Variants in SGTB observed in about 807,000 individuals in gnomAD.
SGTB encodes small glutamine rich tetratricopeptide repeat co-chaperone beta.
SGTB carries 19 observed loss-of-function variants against 43.9 expected under a neutral mutation model. The observed-to-expected ratio is 0.43, with a 90% CI of 0.30 to 0.63. The LOEUF (loss-of-function observed/expected upper bound fraction) is 0.63. Ranked by LOEUF, SGTB falls within the 30% of genes least tolerant of loss-of-function variation. The pLI is 0.12. For synonymous variants in SGTB, 116 were observed against 117.3 expected, an observed-to-expected ratio of 0.99 and a Z score of 0.07; for missense variants, 304 against 358.9, an observed-to-expected ratio of 0.85 and a Z score of 1.24.
rs972457853 is a variant in SGTB at position 65,667,731 on chromosome 5, C to T, written c.*2515G>A. On this transcript the variant is annotated 3_prime_UTR_variant, in exon 11 of 11. Coordinates refer to ENST00000381007, the MANE Select transcript of SGTB (RefSeq NM_019072.3). The stretch of plus-strand genomic sequence containing the variant: ...TAGAGTCCTTGGATCTGTATCAAAA[C>T]CACCTAGTGTACTGTTTAAAAATGG... 1.6e-4 allele frequency: 24 copies of T among 152,174 alleles called. No individual in the cohort carries two copies. The highest frequency in any genetic ancestry group is 5.6e-4 in the African/African-American group (23 of 41,434). 9.4% of individuals were successfully genotyped at this position (152,174 alleles called of 1,614,324 possible).
At chr5:65,695,034 G>GAAAA (rs1554024876) in intron 5 of SGTB, among the ~76,000 whole-genome samples, 1 of 20,190 alleles carries the variant, frequency 5.0e-5, no homozygotes, top group Non-Finnish European at 1.2e-4. Context: ...TGGAACTACT[G>GAAAA]AAAGCAAGCA....
chr5:65,712,019 C>T (rs168458), intron 3 of SGTB, among the ~76,000 whole-genome samples: 34,595 of 152,078 alleles, frequency 0.23, 4,209 homozygotes, highest in Non-Finnish European at 0.27. Flanking sequence ...GAGGCCAAGG[C>T]AGGACGATGG....
intron 5 of SGTB, among the ~76,000 whole-genome samples, chr5:65,702,374 G>A (rs768231055): frequency 6.6e-6 from 1 of 152,180 alleles, no homozygotes; most frequent in Non-Finnish European, 1.5e-5. Flanking sequence ...AAATTAAAAA[G>A]CAGAAAGAAA....
chr5:65,721,407 T>C (rs1758274845), intron 1 of SGTB, among the ~76,000 whole-genome samples: 1 of 152,210 alleles, frequency 6.6e-6, no homozygotes, highest in Admixed American at 6.5e-5. Flanking sequence ...AGTCGATGGA[T>C]ACTACAAGCC....
intron 2 of SGTB, among the ~76,000 whole-genome samples, chr5:65,718,775 C>T (rs1378967799): frequency 6.6e-6 from 1 of 152,070 alleles, no homozygotes; most frequent in Non-Finnish European, 1.5e-5. Flanking sequence ...CCCTTTCTGA[C>T]TGCCATATAT....
chr5:65,678,792 G>A (rs1757331064), intron 8 of SGTB, among the ~76,000 whole-genome samples: 1 of 152,150 alleles, frequency 6.6e-6, no homozygotes, highest in Non-Finnish European at 1.5e-5. Flanking sequence ...TAGCCATATG[G>A]AGAAAATTGA....
At position 65,708,490 on chromosome 5, in the gene SGTB, T is replaced by G; in HGVS notation, c.273A>C (p.Glu91Asp). The change falls in exon 4 of 11, where the codon GAA (glutamate) becomes GAC (aspartate). Residue 91 changes from glutamate to aspartate, a missense_variant and splice_region_variant. Glu to Asp is a conservative substitution (Grantham distance 45). Transcript: ENST00000381007. ...GTCATTTTTGTATGAAATATTCACCTTCATCTTTTAATTGGTCAGCTTTTC... is the reference window on the plus strand; with the variant it reads ...GTCATTTTTGTATGAAATATTCACCGTCATCTTTTAATTGGTCAGCTTTTC... The part of the protein sequence containing the change: ...DVGKADQLKD[E>D]GNNHMKEENY... 1 of 1,612,482 alleles carries G rather than the reference T, an allele frequency of 6.2e-7. No individual in the cohort carries two copies. The highest frequency in any genetic ancestry group is 1.1e-5 in the South Asian group (1 of 90,652).
intron 5 of SGTB, among the ~76,000 whole-genome samples, chr5:65,691,801 G>T (rs1206647909): frequency 1.3e-5 from 2 of 151,412 alleles, no homozygotes; most frequent in Admixed American, 1.3e-4. Context: ...CGTGGTGGCG[G>T]GCGCCTGTAG....
chr5:65,690,300 G>A (rs1579865595), intron 5 of SGTB, among the ~76,000 whole-genome samples: 1 of 152,106 alleles, frequency 6.6e-6, no homozygotes, highest in Non-Finnish European at 1.5e-5. Flanking sequence ...TTACCCAGGT[G>A]TAGTGGTGTA....
intron 3 of SGTB, among the ~76,000 whole-genome samples, chr5:65,710,698 T>G (rs1758027522): frequency 6.6e-6 from 1 of 152,126 alleles, no homozygotes; most frequent in Non-Finnish European, 1.5e-5. Flanking sequence ...ATAGGACTAC[T>G]AAAGAATTAT....
intron 5 of SGTB, among the ~76,000 whole-genome samples, chr5:65,698,855 G>T (rs1757760280): frequency 6.6e-6 from 1 of 152,112 alleles, no homozygotes; most frequent in South Asian, 2.1e-4. Context: ...TTGCAAGAAT[G>T]GCCATTATTA....
chr5:65,719,788 T>C (rs1197884347), intron 2 of SGTB, among the ~76,000 whole-genome samples: 1 of 152,142 alleles, frequency 6.6e-6, no homozygotes, highest in Admixed American at 6.5e-5. Flanking sequence ...TGTTCAACTT[T>C]ACAGATTACC....
intron 3 of SGTB, 152 bp from the exon 4 acceptor site, chr5:65,708,710 T>G: frequency 1.9e-6 from 1 of 530,642 alleles, no homozygotes; most frequent in Non-Finnish European, 3.2e-6. Flanking sequence ...TTAACAAAAA[T>G]AGGGGAAAAG....
chr5:65,680,919 A>G, intron 6 of SGTB, 125 bp from the exon 7 acceptor site: 1 of 1,088,878 alleles, frequency 9.2e-7, no homozygotes, highest in Non-Finnish European at 1.3e-6. Flanking sequence ...TAATTTATTC[A>G]CTGTACTATG....
In SGTB at chr5:65,709,764, G is replaced by C. The variant is rs565148717; in HGVS notation, c.205-1206C>G. 3.3e-5 allele frequency among the ~76,000 whole-genome samples: 5 copies of C among 152,162 alleles called. No individual in the cohort carries two copies. In the East Asian group the frequency reaches 7.7e-4, roughly 24 times the overall value. ...TGTGGTGAGCAGCCACCACACCTGG[G>C]TAATTTTTTTATATTGTATAGAGAC... On this transcript the variant is annotated intron_variant, in intron 3 of 10. Transcript: ENST00000381007.
At chr5:65,670,927 C>T (rs749679183) in intron 10 of SGTB, among the ~76,000 whole-genome samples, 1 of 152,126 alleles carries the variant, frequency 6.6e-6, no homozygotes, top group Admixed American at 6.6e-5. Context: ...ATAAAATGTC[C>T]AGCGAGAGCA....
At chr5:65,715,786 T>C (rs75541570) in intron 2 of SGTB, among the ~76,000 whole-genome samples, 14,595 of 152,288 alleles carry the variant, frequency 0.096, 730 homozygotes, top group East Asian at 0.11. Flanking sequence ...GTTGTTGTTT[T>C]TGAGACGGAG....
At chr5:65,696,315 C>A (rs1757713760) in intron 5 of SGTB, among the ~76,000 whole-genome samples, 1 of 152,200 alleles carries the variant, frequency 6.6e-6, no homozygotes, top group Non-Finnish European at 1.5e-5. Flanking sequence ...ATCCATCCAC[C>A]CCTGAAGCAT....
At chr5:65,722,626 T>A, upstream of SGTB, 1 of 533,026 alleles carries the variant, frequency 1.9e-6, no homozygotes, top group Admixed American at 3.8e-5. Context: ...CGGGAGGACG[T>A]CCATTCCTCT....
Sources: allele counts gnomAD v4.1 joint callset (sites outside exome capture counted in the v4.1 genomes callset), GRCh38; gene constraint gnomAD v4.1.1; transcripts MANE v1.5; gene names NCBI Gene and HGNC (gene_info 2026-07-23, HGNC 2026-07-21).